The following LDLRAD4 variants were observed in gnomAD, a reference collection of about 807,000 sequenced individuals.
The protein encoded by LDLRAD4 is low-density lipoprotein receptor class A domain-containing protein 4.
In LDLRAD4, 5 loss-of-function variants were observed where a neutral mutation model predicts 17.0. That is an observed-to-expected ratio of 0.29 (90% CI 0.15 to 0.62). The LOEUF (loss-of-function observed/expected upper bound fraction) is 0.62, where lower values mean the gene tolerates loss of function less well. LDLRAD4 is among the 20% of genes least tolerant of loss of function. LDLRAD4 has a pLI of 0.84. For synonymous variants in LDLRAD4, 168 were observed against 171.8 expected (o/e 0.98, Z 0.17); for missense variants, 340 against 424.7 (o/e 0.80, Z 1.75).
At position 13,643,958 on chromosome 18, in the gene LDLRAD4, CTG is replaced by C. The variant is rs571160741; in HGVS notation, c.390+547_390+548del. 1.3e-3 allele frequency among the ~76,000 whole-genome samples: 200 copies of C among 152,226 alleles called. 2 individuals carry two copies. Among genetic ancestry groups the C allele is most frequent in the Admixed American group, 9.7e-3 (148 of 15,300 alleles). On this transcript the variant is annotated intron_variant, in intron 5 of 5. Coordinates refer to ENST00000359446, the Ensembl canonical transcript of LDLRAD4. ...TAAAAGAGCCGTCTCCTAGAAGAAA[CTG>C]GGATGGTAGAACAAATGAGAAGATT...
chr18:13,283,386 T>A (rs2045406277), intron 1 of LDLRAD4, among the ~76,000 whole-genome samples: 2 of 152,234 alleles, frequency 1.3e-5, no homozygotes, highest in Non-Finnish European at 2.9e-5. Context: ...CACCTTTGGA[T>A]GCTTTGCTGC....
chr18:13,548,939 C>T (rs1353174693), intron 3 of LDLRAD4, among the ~76,000 whole-genome samples: 17 of 152,180 alleles, frequency 1.1e-4, no homozygotes, highest in Admixed American at 1.1e-3. Context: ...TTTCATTTTA[C>T]CATCTCAAGA....
At chr18:13,423,991 C>T (rs536102575) in intron 2 of LDLRAD4, among the ~76,000 whole-genome samples, 18 of 151,986 alleles carry the variant, frequency 1.2e-4, no homozygotes, top group African/African-American at 3.9e-4. Context: ...AAAAATCAGC[C>T]GGGCGTGGTG....
chr18:13,235,021 G>A (rs1178769456), intron 1 of LDLRAD4: 1 of 152,220 alleles, frequency 6.6e-6, no homozygotes, highest in Non-Finnish European at 1.5e-5. Flanking sequence ...AGGCCAAGGT[G>A]AGTGGATCAC....
rs11422247 is a variant in LDLRAD4 at position 13,434,248 on chromosome 18, GT to G, written c.41-3982del. ...TGACTCTGGAAGTTGTTTCTCCTAA[GT>G]TTTTTTTTTTTTTAATAAGAAATCA... On this transcript the variant is annotated intron_variant, in intron 2 of 5. Coordinates refer to ENST00000359446, the Ensembl canonical transcript of LDLRAD4. Among the ~76,000 whole-genome samples the G allele has an allele frequency of 3.7e-4, 54 of 147,314 alleles. No homozygotes were observed. In the East Asian group the frequency reaches 7.1e-3, roughly 19 times the overall value.
intron 2 of LDLRAD4, among the ~76,000 whole-genome samples, chr18:13,428,268 T>C (rs940270848): frequency 2.6e-5 from 4 of 151,948 alleles, no homozygotes; most frequent in Admixed American, 2.6e-4. Flanking sequence ...GCCACGGCGA[T>C]GGTGATGTTT....
intron 1 of LDLRAD4, among the ~76,000 whole-genome samples, chr18:13,237,506 T>C (rs1184067522): frequency 1.3e-5 from 2 of 152,180 alleles, no homozygotes; most frequent in African/African-American, 4.8e-5. Flanking sequence ...GAGGTGATAA[T>C]TTCACTCCTG....
At chr18:13,476,593 C>T (rs1383847183) in intron 3 of LDLRAD4, among the ~76,000 whole-genome samples, 6 of 150,248 alleles carry the variant, frequency 4.0e-5, no homozygotes, top group Non-Finnish European at 7.4e-5. Flanking sequence ...CACTGTACTC[C>T]AGCCTGGGCA....
At chr18:13,266,615 G>A (rs1251136303) in intron 1 of LDLRAD4, among the ~76,000 whole-genome samples, 1 of 152,284 alleles carries the variant, frequency 6.6e-6, no homozygotes, top group African/African-American at 2.4e-5. Context: ...CATAGTGACC[G>A]TCTTAGGCAG....
At chr18:13,294,375 C>T (rs1421394570) in intron 1 of LDLRAD4, among the ~76,000 whole-genome samples, 1 of 152,246 alleles carries the variant, frequency 6.6e-6, no homozygotes, top group East Asian at 1.9e-4. Flanking sequence ...CCCTTCTCCA[C>T]AAGGCTTAAT....
chr18:13,529,749 T>G (rs1299638777), intron 3 of LDLRAD4, among the ~76,000 whole-genome samples: 1 of 152,240 alleles, frequency 6.6e-6, no homozygotes, highest in Non-Finnish European at 1.5e-5. Flanking sequence ...TTAAATAATG[T>G]GTGCACAGAA....
chr18:13,230,124 G>A lies in LDLRAD4; in HGVS notation c.-467+11136G>A, dbSNP rs139078173. Among the ~76,000 whole-genome samples the A allele has an allele frequency of 1.0e-3, 152 of 152,286 alleles. 1 individual carries two copies. Among genetic ancestry groups the A allele is most frequent in the Non-Finnish European group, 2.9e-4 (20 of 68,028 alleles). The stretch of plus-strand genomic sequence containing the variant: ...GATTAGTGCCTTTATAACAGAGGCC[G>A]GAGGAGCTTGTTCACCCCTTCCACC... On this transcript the variant is annotated intron_variant, in intron 1 of 5. Transcript: ENST00000399848.
At chr18:13,384,633 C>T (rs1050037093) in intron 1 of LDLRAD4, among the ~76,000 whole-genome samples, 1 of 152,200 alleles carries the variant, frequency 6.6e-6, no homozygotes, top group South Asian at 2.1e-4. Flanking sequence ...TTGACTCTTT[C>T]AGATTCCACC....
chr18:13,631,495 A>G (rs866845775), intron 4 of LDLRAD4, among the ~76,000 whole-genome samples: 4 of 152,326 alleles, frequency 2.6e-5, no homozygotes, highest in Middle Eastern at 3.4e-3. Flanking sequence ...ACTCATTATG[A>G]GATGAGGCCA....
chr18:13,348,474 C>G (rs991149110), intron 1 of LDLRAD4, among the ~76,000 whole-genome samples: 7 of 152,196 alleles, frequency 4.6e-5, no homozygotes, highest in Non-Finnish European at 1.0e-4. Context: ...AGGTGTCAGT[C>G]TGCCCCTACT....
chr18:13,346,683 A>C (rs1202843045), intron 1 of LDLRAD4, among the ~76,000 whole-genome samples: 2 of 152,156 alleles, frequency 1.3e-5, no homozygotes, highest in Non-Finnish European at 2.9e-5. Context: ...GGGGTGTTAA[A>C]GTCTCCCATT....
At chr18:13,614,679 G>A (rs985977743) in intron 3 of LDLRAD4, 1 of 152,072 alleles carries the variant, frequency 6.6e-6, no homozygotes. Context: ...TATACTAACA[G>A]TTCACAAACT....
At chr18:13,485,197 C>T (rs544269627) in intron 3 of LDLRAD4, among the ~76,000 whole-genome samples, 3 of 152,346 alleles carry the variant, frequency 2.0e-5, no homozygotes, top group South Asian at 2.1e-4. Flanking sequence ...GCTTTGTGGG[C>T]CTGTGCTTTG....
intron 3 of LDLRAD4, among the ~76,000 whole-genome samples, chr18:13,517,676 C>G (rs1490465320): frequency 1.3e-5 from 2 of 152,236 alleles, no homozygotes; most frequent in African/African-American, 2.4e-5. Context: ...ATATTTCGCT[C>G]TAGCTACCTC....
Sources: gnomAD v4.1 joint callset for allele counts (sites outside exome capture counted in the v4.1 genomes callset) on GRCh38, gnomAD v4.1.1 for gene constraint, MANE v1.5 for transcripts, NCBI Gene and HGNC (gene_info 2026-07-23, HGNC 2026-07-21) for gene names.